The following NRXN3 variants were observed in gnomAD, a reference collection of about 807,000 sequenced individuals.
The protein encoded by NRXN3 is neurexin 3, also known as neurexin III.
NRXN3 carries 32 observed loss-of-function variants against 137.6 expected under a neutral mutation model. The ratio of observed to expected loss-of-function variants is 0.23; its 90% CI spans 0.18 to 0.31. The LOEUF (loss-of-function observed/expected upper bound fraction) is 0.31, where lower values mean the gene tolerates loss of function less well. Among genes scored for constraint, NRXN3 ranks in the 10% least tolerant of loss-of-function variants. The probability of loss-of-function intolerance (pLI) is 1.00; values close to 1 mark genes in which losing one functional copy is unlikely to be tolerated. For missense variants in NRXN3, 1,574 were observed against 2,062.5 expected, an observed-to-expected ratio of 0.76 and a Z score of 4.59; for synonymous variants, 798 against 784.5, an observed-to-expected ratio of 1.02 and a Z score of -0.29.
intron 15 of NRXN3, among the ~76,000 whole-genome samples, chr14:79,088,621 G>C (rs2048585016): frequency 6.6e-6 from 1 of 152,048 alleles, no homozygotes; most frequent in Admixed American, 6.6e-5. Context: ...TAGTACCTGC[G>C]GAAGGGAAGG....
intron 2 of NRXN3, among the ~76,000 whole-genome samples, chr14:78,269,396 T>C (rs2072341018): frequency 6.6e-6 from 1 of 152,148 alleles, no homozygotes; most frequent in African/African-American, 2.4e-5. Flanking sequence ...AATGGTCAAG[T>C]TCATAGACAT....
chr14:79,796,714 T>C (rs151185070), intron 19 of NRXN3, among the ~76,000 whole-genome samples: 1 of 152,308 alleles, frequency 6.6e-6, no homozygotes, highest in African/African-American at 2.4e-5. Context: ...CAAAAGTTAT[T>C]ATAAGTCACG....
At chr14:79,005,779 CTT>C (rs146760382) in intron 15 of NRXN3, among the ~76,000 whole-genome samples, 1 of 151,380 alleles carries the variant, frequency 6.6e-6, no homozygotes, top group Non-Finnish European at 1.5e-5. Context: ...CTGTGTGTGA[CTT>C]TTTTTTTCTA....
At chr14:78,502,100 G>A (rs945011821) in intron 4 of NRXN3, among the ~76,000 whole-genome samples, 5 of 152,072 alleles carry the variant, frequency 3.3e-5, no homozygotes, top group African/African-American at 9.7e-5. Context: ...GGGAGATCAC[G>A]TGACCAGTAT....
intron 20 of NRXN3, among the ~76,000 whole-genome samples, chr14:79,817,508 A>T (rs2099255373): frequency 6.6e-6 from 1 of 152,206 alleles, no homozygotes; most frequent in Admixed American, 6.5e-5. Context: ...TATAGTCTTA[A>T]GTACTTCACA....
chr14:78,799,791 C>G lies in NRXN3; in HGVS notation c.2045-3829C>G, dbSNP rs146900862. On this transcript the variant is annotated intron_variant, in intron 8 of 20. Transcript: ENST00000335750. ...TGGTAGACAAGAGAGAAAATGAGAG[C>G]TAAGCGAAAGGGGTTTTTCGTTATA... is the stretch of plus-strand genomic sequence containing the variant. Among the ~76,000 whole-genome samples, 412 of 152,220 alleles carry G rather than the reference C, an allele frequency of 2.7e-3. 3 individuals are homozygous for G. The highest frequency in any genetic ancestry group is 9.6e-3 in the African/African-American group (400 of 41,534).
At chr14:78,729,915 T>A (rs1285202864) in intron 8 of NRXN3, among the ~76,000 whole-genome samples, 1 of 152,220 alleles carries the variant, frequency 6.6e-6, no homozygotes, top group Admixed American at 6.5e-5. Flanking sequence ...GGATTATTTC[T>A]AAAGTTAACT....
At chr14:79,822,216 G>A (rs556638931) in intron 20 of NRXN3, among the ~76,000 whole-genome samples, 2 of 152,090 alleles carry the variant, frequency 1.3e-5, no homozygotes, top group Non-Finnish European at 2.9e-5. Flanking sequence ...CCCACACAGA[G>A]GACAGATTAA....
At chr14:79,839,376 G>T (rs2099350987) in intron 20 of NRXN3, among the ~76,000 whole-genome samples, 1 of 151,952 alleles carries the variant, frequency 6.6e-6, no homozygotes, top group Non-Finnish European at 1.5e-5. Context: ...TTCAACAATT[G>T]GTTTATGGGG....
At chr14:78,226,257 C>T (rs1412213306) in intron 1 of NRXN3, among the ~76,000 whole-genome samples, 1 of 152,172 alleles carries the variant, frequency 6.6e-6, no homozygotes, top group Admixed American at 6.5e-5. Flanking sequence ...CTCACCTTCA[C>T]ATCCCAAAGT....
chr14:79,026,472 G>A (rs1257536659), intron 15 of NRXN3, among the ~76,000 whole-genome samples: 1 of 152,002 alleles, frequency 6.6e-6, no homozygotes, highest in Non-Finnish European at 1.5e-5. Context: ...TTGAGGCCCT[G>A]GTAGGTGTGG....
At chr14:79,342,249 G>A (rs2153366175) in intron 15 of NRXN3, among the ~76,000 whole-genome samples, 1 of 152,264 alleles carries the variant, frequency 6.6e-6, no homozygotes, top group Non-Finnish European at 1.5e-5. Context: ...TGAGAGCAAA[G>A]GTCAGACTGT....
At chr14:79,278,833 G>A (rs1311786573) in intron 15 of NRXN3, among the ~76,000 whole-genome samples, 2 of 152,172 alleles carry the variant, frequency 1.3e-5, no homozygotes, top group African/African-American at 4.8e-5. Flanking sequence ...GGGGCCCTGG[G>A]CATTTTAACC....
chr14:78,739,613 A>T (rs564769322), intron 8 of NRXN3, among the ~76,000 whole-genome samples: 59 of 152,162 alleles, frequency 3.9e-4, no homozygotes, highest in Non-Finnish European at 7.1e-4. Flanking sequence ...CTGGGATTAC[A>T]GGTGCCTGCC....
chr14:79,482,559 C>T (rs997371402), intron 16 of NRXN3, among the ~76,000 whole-genome samples: 1 of 152,096 alleles, frequency 6.6e-6, no homozygotes, highest in African/African-American at 2.4e-5. Context: ...TTTCTTTTTT[C>T]TTGAAATGAC....
At chr14:79,760,168 C>T (rs911130531) in intron 19 of NRXN3, among the ~76,000 whole-genome samples, 1 of 151,334 alleles carries the variant, frequency 6.6e-6, no homozygotes, top group Non-Finnish European at 1.5e-5. Flanking sequence ...ATTAATAGGG[C>T]AAAAATAAAA....
chr14:78,510,059 T>TATATATATATATA (rs1567797721), intron 4 of NRXN3, among the ~76,000 whole-genome samples: 2 of 148,256 alleles, frequency 1.3e-5, no homozygotes, highest in Admixed American at 6.7e-5. Context: ...TATATATATA[T>TATATATATATATA]TTTGGCAATG....
At chr14:79,795,339 T>G (rs1343048290) in intron 19 of NRXN3, among the ~76,000 whole-genome samples, 1 of 152,320 alleles carries the variant, frequency 6.6e-6, no homozygotes, top group East Asian at 1.9e-4. Context: ...GTTTCTGAAC[T>G]TCTCAATTTA....
intron 4 of NRXN3, among the ~76,000 whole-genome samples, chr14:78,366,007 T>C (rs1419692247): frequency 6.6e-6 from 1 of 152,200 alleles, no homozygotes; most frequent in Non-Finnish European, 1.5e-5. Flanking sequence ...TATATACTGG[T>C]TTTGATAGTC....
Sources: gnomAD v4.1 joint callset for allele counts (sites outside exome capture counted in the v4.1 genomes callset) on GRCh38, gnomAD v4.1.1 for gene constraint, MANE v1.5 for transcripts, NCBI Gene and HGNC (gene_info 2026-07-23, HGNC 2026-07-21) for gene names.